MAP3K15: variants seen among roughly 807,000 people sequenced by gnomAD.
MAP3K15 encodes MAPK/ERK kinase kinase 15.
In MAP3K15, 124 loss-of-function variants were observed where a neutral mutation model predicts 99.5. That is an observed-to-expected ratio of 1.25 (90% CI 1.08 to 1.45). The LOEUF (loss-of-function observed/expected upper bound fraction) is 1.45, where lower values mean the gene tolerates loss of function less well. Ranked by LOEUF, MAP3K15 falls within the 40% of genes most tolerant of loss-of-function variation. The pLI is 0.00. For missense variants in MAP3K15, 1,242 were observed against 1,079.7 expected (o/e 1.15, Z -2.11); for synonymous variants, 494 against 439.6 (o/e 1.12, Z -1.55).
At chrX:19,449,527 T>C (rs928603481) in intron 6 of MAP3K15, among the ~76,000 whole-genome samples, 1 of 108,570 alleles carries the variant, frequency 9.2e-6, no homozygotes, top group Non-Finnish European at 1.9e-5. Context: ...TTGGGTGAGG[T>C]GCGGGGGGAG....
intron 9 of MAP3K15, among the ~76,000 whole-genome samples, chrX:19,418,178 C>G (rs976850159): frequency 8.9e-6 from 1 of 112,089 alleles, no homozygotes; most frequent in Non-Finnish European, 1.9e-5. Flanking sequence ...AGCAATGGAA[C>G]AAAGCTGGAC....
At chrX:19,362,413 T>C (rs745687955) in intron 26 of MAP3K15, among the ~76,000 whole-genome samples, 1 of 108,874 alleles carries the variant, frequency 9.2e-6, no homozygotes, top group Non-Finnish European at 1.9e-5. Context: ...TTTTCTATTT[T>C]TTGTACGGAT....
intron 26 of MAP3K15, among the ~76,000 whole-genome samples, chrX:19,362,475 TCTG>T (rs776188169): frequency 9.0e-6 from 1 of 110,572 alleles, no homozygotes; most frequent in African/African-American, 3.3e-5. Context: ...GTTCAATTGA[TCTG>T]CTAGCCTCAG....
intron 13 of MAP3K15, among the ~76,000 whole-genome samples, chrX:19,402,012 G>A (rs1311393545): frequency 8.9e-6 from 1 of 112,202 alleles, no homozygotes; most frequent in Non-Finnish European, 1.9e-5. Flanking sequence ...TATCAGCCAG[G>A]TGTAGTGGCT....
intron 3 of MAP3K15, among the ~76,000 whole-genome samples, chrX:19,485,182 G>A (rs1172808006): frequency 9.3e-6 from 1 of 107,920 alleles, no homozygotes; most frequent in Non-Finnish European, 1.9e-5. Flanking sequence ...GGTGGTAGGC[G>A]CCTATAATCC....
At chrX:19,387,290 T>C (rs769236683) in intron 18 of MAP3K15, among the ~76,000 whole-genome samples, 1 of 112,036 alleles carries the variant, frequency 8.9e-6, no homozygotes, top group South Asian at 3.8e-4. Context: ...CCACACCCTC[T>C]CAACAGTGGG....
chrX:19,394,524 G>C (rs1376185620), intron 16 of MAP3K15, among the ~76,000 whole-genome samples: 2 of 111,465 alleles, frequency 1.8e-5, no homozygotes, highest in Non-Finnish European at 3.8e-5. Context: ...GATTTTTGTG[G>C]ATAAAACACT....
chrX:19,478,815 A>G (rs963315442), intron 3 of MAP3K15, among the ~76,000 whole-genome samples: 1 of 110,248 alleles, frequency 9.1e-6, no homozygotes, highest in African/African-American at 3.3e-5. Context: ...CTGCTTTTTA[A>G]AAAAACAACT....
chrX:19,421,361 C>T (rs1458018791), intron 9 of MAP3K15, among the ~76,000 whole-genome samples: 3 of 111,151 alleles, frequency 2.7e-5, no homozygotes, highest in Non-Finnish European at 3.8e-5. Context: ...GTGCAAAAAT[C>T]ACAAGCATTC....
intron 24 of MAP3K15, 132 bp downstream of exon 24, chrX:19,370,827 C>A: frequency 1.9e-6 from 1 of 536,809 alleles, no homozygotes; most frequent in Non-Finnish European, 3.2e-6. Context: ...AAGTCTATGA[C>A]AACATGCATT....
At chrX:19,474,991 A>G (rs2064232658) in intron 3 of MAP3K15, among the ~76,000 whole-genome samples, 1 of 111,246 alleles carries the variant, frequency 9.0e-6, no homozygotes, top group African/African-American at 3.3e-5. Flanking sequence ...TCCACGGACC[A>G]GGTGGGCAGG....
At chrX:19,434,969 A>T (rs1302981253) in intron 6 of MAP3K15, among the ~76,000 whole-genome samples, 4 of 112,081 alleles carry the variant, frequency 3.6e-5, no homozygotes, top group Non-Finnish European at 7.5e-5. Context: ...TGTCATATAG[A>T]ATCTAATTGA....
chrX:19,437,113 A>G (rs981110187), intron 6 of MAP3K15, among the ~76,000 whole-genome samples: 16 of 111,924 alleles, frequency 1.4e-4, no homozygotes, highest in African/African-American at 4.5e-4. Context: ...AACACCATTT[A>G]TTGGACCAGG....
In MAP3K15 at chrX:19,412,695, G is replaced by C. The variant is rs776518155; in HGVS notation, c.1698+662C>G. On this transcript the variant is annotated intron_variant, in intron 11 of 28. Transcript: ENST00000338883. ...AGCCACAGGATCCAGTAATAGTTGA[G>C]GAATATCAAGAAAGCCAGTATAAGT... 1.7e-3 allele frequency among the ~76,000 whole-genome samples: 185 copies of C among 111,043 alleles called. 1 individual carries two copies. Among genetic ancestry groups the C allele is most frequent in the African/African-American group, 5.6e-3 (172 of 30,549 alleles).
chrX:19,455,656 G>A (rs1387496299), intron 6 of MAP3K15, among the ~76,000 whole-genome samples: 1 of 106,392 alleles, frequency 9.4e-6, no homozygotes, highest in Non-Finnish European at 1.9e-5. Flanking sequence ...CACTGCGGCC[G>A]GCCCCAATTT....
chrX:19,362,889 A>G (rs1356506461), intron 25 of MAP3K15, 39 bp from the exon 26 acceptor site: 2 of 749,140 alleles, frequency 2.7e-6, no homozygotes, highest in African/African-American at 4.3e-5. Flanking sequence ...TTATCCAGAG[A>G]GCATTCAACA....
chrX:19,423,620 C>T (rs967004509), intron 9 of MAP3K15, among the ~76,000 whole-genome samples: 3 of 111,970 alleles, frequency 2.7e-5, no homozygotes, highest in African/African-American at 6.5e-5. Flanking sequence ...AGACTCCAAC[C>T]GACTTGCTTG....
chrX:19,360,790 T>C lies in MAP3K15; in HGVS notation c.3901A>G (p.Arg1301Gly). Residue 1301 changes from arginine (R) to glycine (G), a missense_variant, in exon 29 of 29, where the codon AGA becomes GGA. By Grantham distance (125) the Arg-to-Gly change is moderately radical. Coordinates refer to ENST00000338883, the MANE Select transcript of MAP3K15 (RefSeq NM_001001671.4). ...GTTTCTGAGGCCTCCTGAGCCCTTC[T>C]GTACTGGGAGACCGCACTCCAGAGT... The part of the protein sequence containing the change: ...CRLWSAVSQY[R>G]RAQEASETKD... 8 of 1,210,208 alleles carry C rather than the reference T, an allele frequency of 6.6e-6. No individual in the cohort carries two copies. The highest frequency in any genetic ancestry group is 8.9e-6 in the Non-Finnish European group (8 of 894,822).
At chrX:19,431,821 G>A (rs1029439576) in intron 6 of MAP3K15, among the ~76,000 whole-genome samples, 1 of 111,066 alleles carries the variant, frequency 9.0e-6, no homozygotes, top group African/African-American at 3.3e-5. Context: ...GCCCACGCCT[G>A]TAATCCCAGC....
Sources: allele counts gnomAD v4.1 joint callset (sites outside exome capture counted in the v4.1 genomes callset), GRCh38; gene constraint gnomAD v4.1.1; transcripts MANE v1.5; gene names NCBI Gene and HGNC (gene_info 2026-07-23, HGNC 2026-07-21).